Variants in RPRD1B observed in about 807,000 individuals in gnomAD.
RPRD1B encodes the protein regulation of nuclear pre-mRNA domain-containing protein 1B.
A neutral mutation model predicts 41.5 loss-of-function variants in RPRD1B; 11 were observed. The ratio of observed to expected loss-of-function variants is 0.27; its 90% CI spans 0.17 to 0.44. RPRD1B has a LOEUF of 0.44. Ranked by LOEUF, RPRD1B falls within the 20% of genes least tolerant of loss-of-function variation. The probability of loss-of-function intolerance (pLI) is 1.00; values close to 1 mark genes in which losing one functional copy is unlikely to be tolerated. For missense variants in RPRD1B, 248 were observed against 389.9 expected (o/e 0.64, Z 3.06); for synonymous variants, 158 against 155.6 (o/e 1.02, Z -0.12).
chr20:38,061,930 G>A (rs779203424), intron 5 of RPRD1B, among the ~76,000 whole-genome samples: 1 of 152,124 alleles, frequency 6.6e-6, no homozygotes, highest in African/African-American at 2.4e-5. Context: ...ATATGGCCAA[G>A]GGACTTGGCA....
chr20:38,061,659 C>T lies in RPRD1B; in HGVS notation c.655+2139C>T, dbSNP rs115516462. On this transcript the variant is annotated intron_variant, in intron 5 of 6. Transcript: ENST00000373433. Reference sequence around the variant, plus strand: ...GCCTCATTTCTCTGTTCTTTTTAGCCAAACCACCTGAATGGATTGCCTGTG... The same window carrying T: ...GCCTCATTTCTCTGTTCTTTTTAGCTAAACCACCTGAATGGATTGCCTGTG... Among the ~76,000 whole-genome samples the T allele has an allele frequency of 6.2e-3, 950 of 152,234 alleles. 16 individuals are homozygous for T. Among genetic ancestry groups the T allele is most frequent in the African/African-American group, 0.022 (907 of 41,538 alleles).
chr20:38,034,166 C>T (rs566645240), intron 1 of RPRD1B, 68 bp downstream of exon 1: 8 of 1,491,426 alleles, frequency 5.4e-6, no homozygotes, highest in South Asian at 2.6e-5. Flanking sequence ...CAACCTAGGC[C>T]CCTCTAAGCC....
At chr20:38,036,568 G>A (rs1045394317) in intron 1 of RPRD1B, among the ~76,000 whole-genome samples, 4 of 152,180 alleles carry the variant, frequency 2.6e-5, no homozygotes, top group East Asian at 1.9e-4. Context: ...ACAGGATATC[G>A]CGTGGTGCCT....
At chr20:38,041,774 G>A (rs764601233) in intron 2 of RPRD1B, among the ~76,000 whole-genome samples, 4 of 152,162 alleles carry the variant, frequency 2.6e-5, no homozygotes, top group Non-Finnish European at 4.4e-5. Flanking sequence ...TAAAGGGGGA[G>A]GATACCACTC....
chr20:38,039,562 G>A (rs994518469), intron 1 of RPRD1B, among the ~76,000 whole-genome samples: 3 of 150,320 alleles, frequency 2.0e-5, no homozygotes, highest in Admixed American at 6.6e-5. Context: ...GTGCCACCAC[G>A]CCAGGCAAAT....
At chr20:38,054,074 A>G (rs2074216309) in intron 3 of RPRD1B, among the ~76,000 whole-genome samples, 1 of 152,168 alleles carries the variant, frequency 6.6e-6, no homozygotes, top group Non-Finnish European at 1.5e-5. Flanking sequence ...GATTGCTGAT[A>G]AGAGGCTGTG....
At chr20:38,051,038 C>A (rs1687998742) in intron 3 of RPRD1B, among the ~76,000 whole-genome samples, 1 of 152,160 alleles carries the variant, frequency 6.6e-6, no homozygotes, top group South Asian at 2.1e-4. Flanking sequence ...CTTCAGGCAA[C>A]TTCATGGAGT....
At chr20:38,057,210 C>T (rs1049370152) in intron 3 of RPRD1B, among the ~76,000 whole-genome samples, 8 of 152,136 alleles carry the variant, frequency 5.3e-5, no homozygotes, top group African/African-American at 1.9e-4. Context: ...CCCTAGCACA[C>T]GTTGGTTTGC....
At position 38,091,837 on chromosome 20, in the gene RPRD1B, C is replaced by A. The variant is rs141057646; in HGVS notation, c.*1962C>A. The A allele has an allele frequency of 8.5e-4, 841 of 985,804 alleles. 5 individuals are homozygous for A. In the African/African-American group the frequency reaches 0.014, roughly 17 times the overall value. 61.1% of individuals were successfully genotyped at this position (985,804 alleles called of 1,614,324 possible). A position where few individuals can be genotyped will look rare whatever the true frequency, so the allele number is the denominator to read the frequency against. ...ACTGCTCTGTTTTATCCAACTGAGT[C>A]TCTGACCAGCAATTGGTGCATAATT... is the stretch of plus-strand genomic sequence containing the variant. On this transcript the variant is annotated 3_prime_UTR_variant, in exon 7 of 7. Coordinates refer to ENST00000373433, the MANE Select transcript of RPRD1B (RefSeq NM_021215.4).
At chr20:38,082,900 C>A (rs1194260586) in intron 6 of RPRD1B, among the ~76,000 whole-genome samples, 2 of 152,160 alleles carry the variant, frequency 1.3e-5, no homozygotes, top group Non-Finnish European at 2.9e-5. Flanking sequence ...TCTGCCAGCA[C>A]TAAAAACTAC....
At chr20:38,044,595 T>C (rs545877026) in intron 2 of RPRD1B, among the ~76,000 whole-genome samples, 104 of 152,234 alleles carry the variant, frequency 6.8e-4, no homozygotes, top group African/African-American at 1.3e-3. Context: ...AGGATGGTCT[T>C]GATCTCCTGA....
chr20:38,060,175 G>A (rs2074283227), intron 5 of RPRD1B, among the ~76,000 whole-genome samples: 1 of 152,212 alleles, frequency 6.6e-6, no homozygotes, highest in Non-Finnish European at 1.5e-5. Flanking sequence ...TGCATAGGAG[G>A]ACATTGAGGC....
At chr20:38,056,918 C>T (rs565517871) in intron 3 of RPRD1B, among the ~76,000 whole-genome samples, 5 of 152,082 alleles carry the variant, frequency 3.3e-5, no homozygotes, top group Non-Finnish European at 5.9e-5. Context: ...TAAAAACATA[C>T]GGTGCAGATA....
rs76805058 is a variant in RPRD1B at position 38,037,480 on chromosome 20, A to G, written c.152-2955A>G. 2.7e-3 allele frequency among the ~76,000 whole-genome samples: 408 copies of G among 152,338 alleles called. 1 individual carries two copies. Among genetic ancestry groups the G allele is most frequent in the African/African-American group, 9.5e-3 (393 of 41,582 alleles). ...CTAGTTTGACCAGTTTGGAATGGAC[A>G]TGGGTAGTGAGTGAAAGGACCTATT... On this transcript the variant is annotated intron_variant, in intron 1 of 6. Coordinates refer to ENST00000373433, the MANE Select transcript of RPRD1B (RefSeq NM_021215.4).
chr20:38,079,314 A>G (rs902306390), intron 6 of RPRD1B, among the ~76,000 whole-genome samples: 24 of 151,372 alleles, frequency 1.6e-4, no homozygotes, highest in African/African-American at 5.4e-4. Flanking sequence ...TAACATGGGT[A>G]CATTGTGTGT....
At chr20:38,039,992 C>T (rs1309193010) in intron 1 of RPRD1B, among the ~76,000 whole-genome samples, 1 of 152,172 alleles carries the variant, frequency 6.6e-6, no homozygotes, top group Non-Finnish European at 1.5e-5. Flanking sequence ...CCTCGTCCTC[C>T]CAGAGTGCTG....
At chr20:38,066,740 C>T (rs1437525142) in intron 6 of RPRD1B, among the ~76,000 whole-genome samples, 1 of 152,126 alleles carries the variant, frequency 6.6e-6, no homozygotes, top group East Asian at 1.9e-4. Context: ...ACTGCAAGCT[C>T]TGCCTCCCAG....
chr20:38,058,980 C>G (rs1295370137), intron 4 of RPRD1B, among the ~76,000 whole-genome samples: 1 of 152,118 alleles, frequency 6.6e-6, no homozygotes, highest in South Asian at 2.1e-4. Context: ...TCCCAAAGTG[C>G]TAGGATTACA....
Position 38,040,576 on chromosome 20 carries a change from G to GT in RPRD1B, c.281+18dup. On this transcript the variant is annotated intron_variant, in intron 2 of 6. Coordinates refer to ENST00000373433, the MANE Select transcript of RPRD1B (RefSeq NM_021215.4). ...TCTCATGTTGCCAGGTATGTTGTCT[G>GT]TTTTTTGGATTTGTTTTTAAATTCA... is the stretch of plus-strand genomic sequence containing the variant. 1.9e-6 allele frequency: 3 copies of GT among 1,576,582 alleles called. No individual in the cohort carries two copies. The highest frequency in any genetic ancestry group is 1.7e-6 in the Non-Finnish European group (2 of 1,167,284).
Sources: gnomAD v4.1 joint callset for allele counts (sites outside exome capture counted in the v4.1 genomes callset) on GRCh38, gnomAD v4.1.1 for gene constraint, MANE v1.5 for transcripts, NCBI Gene and HGNC (gene_info 2026-07-23, HGNC 2026-07-21) for gene names.